MTTP: variants seen among roughly 807,000 people sequenced by gnomAD.
MTTP encodes the protein microsomal triglyceride transfer protein large subunit.
MTTP carries 49 observed loss-of-function variants against 90.6 expected under a neutral mutation model. The observed-to-expected ratio is 0.54, with a 90% confidence interval of 0.43 to 0.69. MTTP has a LOEUF of 0.69. MTTP is among the 30% of genes least tolerant of loss of function. MTTP has a pLI of 0.00. For synonymous variants in MTTP, 347 were observed against 384.2 expected (o/e 0.90, Z 1.13); for missense variants, 945 against 1,067.5 (o/e 0.89, Z 1.60).
intron 11 of MTTP, among the ~76,000 whole-genome samples, chr4:99,607,772 G>C (rs929835069): frequency 3.3e-5 from 5 of 152,116 alleles, no homozygotes; most frequent in African/African-American, 7.2e-5. Flanking sequence ...GAAAACAAAA[G>C]GATCCTAATG....
chr4:99,622,159 G>A (rs1254161489), intron 17 of MTTP, among the ~76,000 whole-genome samples: 3 of 152,190 alleles, frequency 2.0e-5, no homozygotes. Context: ...TATCTAGAAT[G>A]AACCTCCACA....
At chr4:99,586,519 A>G (rs1255084487) in intron 3 of MTTP, among the ~76,000 whole-genome samples, 1 of 152,124 alleles carries the variant, frequency 6.6e-6, no homozygotes, top group Non-Finnish European at 1.5e-5. Flanking sequence ...GCTCTTGTAC[A>G]CACACTGAAC....
intron 12 of MTTP, among the ~76,000 whole-genome samples, chr4:99,609,630 T>G (rs1432635390): frequency 4.0e-5 from 6 of 151,744 alleles, no homozygotes; most frequent in African/African-American, 1.5e-4. Context: ...CCACGAAAGA[T>G]CAGATTTAAG....
upstream of MTTP, chr4:99,570,963 C>A: frequency 3.0e-6 from 1 of 333,534 alleles, no homozygotes; most frequent in Non-Finnish European, 5.9e-6. Context: ...TTCTGACCTC[C>A]AAGAGTATAA....
At chr4:99,577,652 A>C (rs1192370112) in intron 1 of MTTP, among the ~76,000 whole-genome samples, 1 of 151,740 alleles carries the variant, frequency 6.6e-6, no homozygotes, top group Non-Finnish European at 1.5e-5. Context: ...AAGGAAGAAA[A>C]GAAAAAGGAA....
In MTTP at chr4:99,612,930, A is replaced by G; in HGVS notation, c.2007A>G (p.Gln669=). Residue 669 remains glutamine, a synonymous_variant, in exon 15 of 18, where the codon CAA becomes CAG. Transcript: ENST00000265517. ...LHGSQVVIEA[Q]GLEALIAATP... is the part of the protein sequence containing the mutation. ...TTATCCAGGTGGTTATTGAAGCCCA[A>G]GGACTGGAAGCCTTAATCGCAGCCA... is the stretch of plus-strand genomic sequence containing the variant. 1 of 1,614,020 alleles carries G rather than the reference A, an allele frequency of 6.2e-7. No homozygotes were observed. Among genetic ancestry groups the G allele is most frequent in the Non-Finnish European group, 8.5e-7 (1 of 1,179,906 alleles).
chr4:99,585,113 A>G (rs997084771), intron 3 of MTTP, among the ~76,000 whole-genome samples: 2 of 152,190 alleles, frequency 1.3e-5, no homozygotes, highest in Non-Finnish European at 2.9e-5. Context: ...GGATAAACAA[A>G]TAAGATTATA....
chr4:99,592,480 T>A (rs1477950517), intron 6 of MTTP, among the ~76,000 whole-genome samples: 1 of 152,084 alleles, frequency 6.6e-6, no homozygotes, highest in African/African-American at 2.4e-5. Context: ...AAAAATATTT[T>A]TTCTTTAAAT....
chr4:99,606,039 C>T (rs181781556), intron 10 of MTTP, among the ~76,000 whole-genome samples: 7 of 152,198 alleles, frequency 4.6e-5, no homozygotes, highest in Non-Finnish European at 1.0e-4. Flanking sequence ...AAACATGAAA[C>T]TGAAGCCTCT....
In MTTP at chr4:99,622,867, T is replaced by G. The variant is rs762537539; in HGVS notation, c.*19T>G. The G allele has an allele frequency of 6.2e-7, 1 of 1,613,004 alleles. No homozygotes were observed. The highest frequency in any genetic ancestry group is 1.1e-5 in the South Asian group (1 of 91,064). On this transcript the variant is annotated 3_prime_UTR_variant, in exon 18 of 18. Coordinates refer to ENST00000265517, the MANE Select transcript of MTTP (RefSeq NM_001386140.1). Reference sequence around the variant, plus strand: ...GTTTTGAAACTGACCTGTGATATTTTACTTGAATTTGTCTCCCCGAAAGGG... The same window carrying G: ...GTTTTGAAACTGACCTGTGATATTTGACTTGAATTTGTCTCCCCGAAAGGG...
At chr4:99,568,772 A>G (rs1193880975) in intron 1 of MTTP, among the ~76,000 whole-genome samples, 1 of 152,204 alleles carries the variant, frequency 6.6e-6, no homozygotes, top group Non-Finnish European at 1.5e-5. Flanking sequence ...AACGGGGCCA[A>G]CTGAAGGAAC....
intron 3 of MTTP, among the ~76,000 whole-genome samples, chr4:99,588,143 CTCT>C (rs113384432): frequency 0.1 from 15,830 of 152,104 alleles, 979 homozygotes; most frequent in Middle Eastern, 0.2. Context: ...GAAAAGTATT[CTCT>C]TCTTCTAAGG....
At chr4:99,590,302 C>G (rs1481882839) in intron 4 of MTTP, among the ~76,000 whole-genome samples, 1 of 152,140 alleles carries the variant, frequency 6.6e-6, no homozygotes, top group African/African-American at 2.4e-5. Context: ...GTTGGCCAGG[C>G]TGGTCTTGAA....
intron 7 of MTTP, among the ~76,000 whole-genome samples, chr4:99,596,538 G>C (rs530543738): frequency 6.6e-6 from 1 of 152,162 alleles, no homozygotes; most frequent in African/African-American, 2.4e-5. Flanking sequence ...GAATAATTCA[G>C]ACCTTAGCAA....
intron 3 of MTTP, among the ~76,000 whole-genome samples, chr4:99,584,949 A>G (rs1333201229): frequency 6.6e-6 from 1 of 151,966 alleles, no homozygotes; most frequent in Non-Finnish European, 1.5e-5. Context: ...CCCTGGGCCT[A>G]TTTCTGTCAA....
At chr4:99,575,240 T>C (rs1261286236) in intron 1 of MTTP, among the ~76,000 whole-genome samples, 3 of 152,234 alleles carry the variant, frequency 2.0e-5, no homozygotes, top group African/African-American at 7.2e-5. Flanking sequence ...TTCTCATTCA[T>C]GGTCTGTTTT....
At chr4:99,572,148 T>C (rs893493725), upstream of MTTP, among the ~76,000 whole-genome samples, 12 of 151,968 alleles carry the variant, frequency 7.9e-5, no homozygotes, top group African/African-American at 2.9e-4. Flanking sequence ...TATTTCATAG[T>C]CTCCTTATTT....
intron 1 of MTTP, among the ~76,000 whole-genome samples, chr4:99,579,730 T>C (rs544775788): frequency 2.2e-4 from 33 of 152,138 alleles, no homozygotes; most frequent in Non-Finnish European, 3.7e-4. Flanking sequence ...GTATTAAATT[T>C]ACAAAAGGTA....
chr4:99,609,084 T>C, intron 12 of MTTP, 107 bp downstream of exon 12: 1 of 1,134,106 alleles, frequency 8.8e-7, no homozygotes, highest in Non-Finnish European at 1.3e-6. Flanking sequence ...AGGGTTACGT[T>C]GCATAAAACC....
Sources: gnomAD v4.1 joint callset for allele counts (sites outside exome capture counted in the v4.1 genomes callset) on GRCh38, gnomAD v4.1.1 for gene constraint, MANE v1.5 for transcripts, NCBI Gene and HGNC (gene_info 2026-07-23, HGNC 2026-07-21) for gene names.